Variants in PTPRZ1 observed in about 807,000 individuals in gnomAD.
PTPRZ1 encodes the protein protein tyrosine phosphatase receptor type Z1, also known as receptor-type tyrosine-protein phosphatase zeta.
In PTPRZ1, 82 loss-of-function variants were observed where a neutral mutation model predicts 214.1. The ratio of observed to expected loss-of-function variants is 0.38; its 90% CI spans 0.32 to 0.46. The LOEUF is 0.46. Among genes scored for constraint, PTPRZ1 ranks in the 20% least tolerant of loss-of-function variants. PTPRZ1 has a pLI of 1.00. For missense variants in PTPRZ1, 2,603 were observed against 2,748.7 expected, an observed-to-expected ratio of 0.95 and a Z score of 1.19; for synonymous variants, 945 against 987.9, an observed-to-expected ratio of 0.96 and a Z score of 0.81.
intron 28 of PTPRZ1, chr7:122,059,487 T>C: frequency 1.0e-5 from 3 of 297,426 alleles, no homozygotes; most frequent in Non-Finnish European, 1.9e-5. Flanking sequence ...TTTTTTATTA[T>C]TGCCAACTCC....
At chr7:122,059,015 A>G (rs1792474276) in intron 28 of PTPRZ1, 73 bp downstream of exon 28, 6 of 1,406,370 alleles carry the variant, frequency 4.3e-6, no homozygotes, top group Non-Finnish European at 5.8e-6. Context: ...TTGTCTTCAG[A>G]CAAACCTAAT....
At chr7:121,891,350 CT>C (rs1794602814) in intron 1 of PTPRZ1, among the ~76,000 whole-genome samples, 1 of 150,718 alleles carries the variant, frequency 6.6e-6, no homozygotes, top group African/African-American at 2.4e-5. Context: ...ATGTAAGCCC[CT>C]TGAAGGTTTT....
intron 2 of PTPRZ1, among the ~76,000 whole-genome samples, chr7:121,966,046 T>A (rs1191005457): frequency 1.3e-5 from 2 of 152,114 alleles, no homozygotes; most frequent in Non-Finnish European, 2.9e-5. Context: ...AGAAGAGGTC[T>A]GATTAGGGAA....
intron 1 of PTPRZ1, among the ~76,000 whole-genome samples, chr7:121,888,506 A>G (rs543823699): frequency 6.6e-6 from 1 of 152,238 alleles, no homozygotes; most frequent in East Asian, 1.9e-4. Context: ...TTCTGTGAAA[A>G]ACAATAGGAA....
chr7:121,886,463 AACACACACACAC>A (rs148244179), intron 1 of PTPRZ1, among the ~76,000 whole-genome samples: 4 of 148,024 alleles, frequency 2.7e-5, no homozygotes, highest in Non-Finnish European at 4.5e-5. Flanking sequence ...TATTAAATGT[AACACACACACAC>A]ACACACACAC....
At position 122,011,919 on chromosome 7, in the gene PTPRZ1, A is replaced by C; in HGVS notation, c.2873A>C (p.Tyr958Ser). The C allele has an allele frequency of 6.2e-7, 1 of 1,614,226 alleles. No individual in the cohort carries two copies. The highest frequency in any genetic ancestry group is 8.5e-7 in the Non-Finnish European group (1 of 1,180,028). The change falls in exon 12 of 30, where the codon TAT becomes TCT. Residue 958 changes from tyrosine (Y) to serine (S), a missense_variant. Tyr to Ser is a moderately radical substitution (Grantham distance 144). Transcript: ENST00000393386. ...IPVHDSVGVT[Y>S]QGSLFSGPSH... ...GTGCATGATTCTGTGGGTGTAACTT[A>C]TCAGGGTTCCTTATTTAGCGGCCCT...
intron 8 of PTPRZ1, among the ~76,000 whole-genome samples, chr7:121,988,933 A>G (rs547725231): frequency 6.6e-6 from 1 of 152,220 alleles, no homozygotes; most frequent in Non-Finnish European, 1.5e-5. Context: ...TCAAAATTAA[A>G]GATCATTCCA....
intron 1 of PTPRZ1, among the ~76,000 whole-genome samples, chr7:121,915,458 T>C (rs1323833215): frequency 2.0e-5 from 3 of 152,204 alleles, no homozygotes; most frequent in African/African-American, 7.2e-5. Context: ...TCATTTAAAA[T>C]GGCAGGAGAT....
At chr7:121,975,129 A>G (rs188157534) in intron 4 of PTPRZ1, among the ~76,000 whole-genome samples, 7 of 152,262 alleles carry the variant, frequency 4.6e-5, no homozygotes, top group Non-Finnish European at 1.0e-4. Context: ...CAACGCTGCA[A>G]TGAGCCATGA....
intron 8 of PTPRZ1, among the ~76,000 whole-genome samples, chr7:121,995,449 G>A (rs1016284100): frequency 6.6e-6 from 1 of 152,158 alleles, no homozygotes; most frequent in African/African-American, 2.4e-5. Context: ...ATCATAAAAT[G>A]TTATAGTTTT....
intron 8 of PTPRZ1, among the ~76,000 whole-genome samples, chr7:121,991,220 G>C (rs1203123027): frequency 6.6e-6 from 1 of 152,200 alleles, no homozygotes; most frequent in Non-Finnish European, 1.5e-5. Context: ...ACAGTCCCTT[G>C]AATGTAACGT....
At chr7:122,039,410 G>A (rs1481302151) in intron 19 of PTPRZ1, 44 bp from the exon 20 acceptor site, 2 of 1,598,868 alleles carry the variant, frequency 1.3e-6, no homozygotes, top group African/African-American at 1.3e-5. Context: ...CTTTTACATG[G>A]AGCATTTGAA....
At chr7:121,932,877 T>C (rs1173727777) in intron 2 of PTPRZ1, among the ~76,000 whole-genome samples, 1 of 152,170 alleles carries the variant, frequency 6.6e-6, no homozygotes, top group Admixed American at 6.5e-5. Flanking sequence ...AGAAAAACTT[T>C]CTATTCAGGA....
At chr7:121,969,300 G>A (rs1278838982) in intron 3 of PTPRZ1, among the ~76,000 whole-genome samples, 4 of 152,014 alleles carry the variant, frequency 2.6e-5, no homozygotes, top group Non-Finnish European at 5.9e-5. Flanking sequence ...AGTGGCTCAC[G>A]CCTGTAATCC....
rs1243499654 is a variant in PTPRZ1, at chr7:122,012,744, A to G, written c.3698A>G (p.Glu1233Gly). The change falls in exon 12 of 30, where the codon GAA becomes GGA. Residue 1233 changes from glutamate (E) to glycine (G), a missense_variant. Physicochemically the swap from Glu to Gly is moderately conservative, Grantham distance 98. Coordinates refer to ENST00000393386, the MANE Select transcript of PTPRZ1 (RefSeq NM_002851.3). The stretch of plus-strand genomic sequence containing the variant: ...ATTGTATCAAATTCTGCTTCAAGTG[A>G]AAACATGCTGCACTCTACATCTGTA... The part of the protein sequence containing the change: ...HLIVSNSASS[E>G]NMLHSTSVPV... The G allele has an allele frequency of 1.2e-5, 19 of 1,610,628 alleles. No individual in the cohort carries two copies. Among genetic ancestry groups the G allele is most frequent in the Non-Finnish European group, 1.4e-5 (17 of 1,176,968 alleles).
In PTPRZ1 at chr7:122,052,545, A is replaced by G. The variant is rs943305141; in HGVS notation, c.6252+606A>G. Reference sequence around the variant, plus strand: ...AAACCTCTGTTCTATTTATCCAGCAAAGAAAATATTAAGGAATATCTATGC... The same window carrying G: ...AAACCTCTGTTCTATTTATCCAGCAGAGAAAATATTAAGGAATATCTATGC... On this transcript the variant is annotated intron_variant, in intron 25 of 29. Transcript: ENST00000393386. Among the ~76,000 whole-genome samples the G allele has an allele frequency of 2.0e-5, 3 of 152,160 alleles. No individual in the cohort carries two copies. In the South Asian group the frequency reaches 6.2e-4, roughly 32 times the overall value.
intron 8 of PTPRZ1, among the ~76,000 whole-genome samples, chr7:121,988,600 A>T (rs547283683): frequency 1.3e-5 from 2 of 152,224 alleles, no homozygotes; most frequent in Admixed American, 1.3e-4. Context: ...TTCTTAGTAG[A>T]TCCCTGTCTA....
At chr7:122,053,798 A>G (rs560084593) in intron 25 of PTPRZ1, 112 bp from the exon 26 acceptor site, 1 of 1,295,488 alleles carries the variant, frequency 7.7e-7, no homozygotes, top group African/African-American at 1.5e-5. Context: ...TATAGACACA[A>G]TCTGCAATTC....
intron 10 of PTPRZ1, among the ~76,000 whole-genome samples, chr7:121,999,677 A>G (rs1161371960): frequency 2.0e-5 from 3 of 152,096 alleles, no homozygotes; most frequent in East Asian, 1.9e-4. Context: ...ACTGTTTCCT[A>G]TTTTATTCGC....
Sources: allele counts gnomAD v4.1 joint callset (sites outside exome capture counted in the v4.1 genomes callset), GRCh38; gene constraint gnomAD v4.1.1; transcripts MANE v1.5; gene names NCBI Gene and HGNC (gene_info 2026-07-23, HGNC 2026-07-21).